Variants in XPO6 observed in about 807,000 individuals in gnomAD.
XPO6 encodes the protein exportin-6.
Under a neutral mutation model 130.0 loss-of-function variants are expected in XPO6, and 3 were observed. That is an observed-to-expected ratio of 0.02 (90% CI 0.01 to 0.06). The LOEUF (loss-of-function observed/expected upper bound fraction) is 0.06. Among genes scored for constraint, XPO6 ranks in the 10% least tolerant of loss-of-function variants. The pLI, the probability that XPO6 is intolerant of heterozygous loss-of-function variation, is 1.00. For missense variants in XPO6, 970 were observed against 1,393.0 expected, an observed-to-expected ratio of 0.70 and a Z score of 4.83; for synonymous variants, 524 against 548.9, an observed-to-expected ratio of 0.95 and a Z score of 0.63.
At position 28,132,365 on chromosome 16, in the gene XPO6, T is replaced by A; in HGVS notation, c.1575A>T (p.Gly525=). 6.2e-7 allele frequency: 1 copy of A among 1,608,696 alleles called. No individual in the cohort carries two copies. The highest frequency in any genetic ancestry group is 8.5e-7 in the Non-Finnish European group (1 of 1,177,854). Reference sequence around the variant, plus strand: ...CTGAAGTGACTATAAACTGTTGTAATCCCAAATAAACTTCTAAATTGTCCT... The same window carrying A: ...CTGAAGTGACTATAAACTGTTGTAAACCCAAATAAACTTCTAAATTGTCCT... ...VLQDNLEVYL[G]LQQFIVTSGS... Residue 525 remains glycine, a synonymous_variant, in exon 12 of 24, where the codon GGA becomes GGT. Transcript: ENST00000304658. This position sits in a 1 kb window ranked among gnomAD's most constrained non-coding sequence, Gnocchi z 4.0.
intron 16 of XPO6, 130 bp downstream of exon 16, chr16:28,112,774 A>C: frequency 8.2e-7 from 1 of 1,221,196 alleles, no homozygotes; most frequent in Non-Finnish European, 1.1e-6. Flanking sequence ...CCACACAATA[A>C]GAAATCTGTC....
intron 15 of XPO6, chr16:28,116,935 AAC>A (rs1294974428): frequency 3.4e-5 from 6 of 177,408 alleles, no homozygotes; most frequent in African/African-American, 7.0e-5. Context: ...ACTTGTAAAA[AAC>A]ACAGTCTCTG....
At chr16:28,125,059 G>C (rs1161752387) in intron 13 of XPO6, among the ~76,000 whole-genome samples, 2 of 152,216 alleles carry the variant, frequency 1.3e-5, no homozygotes, top group African/African-American at 4.8e-5. Flanking sequence ...GTAGAATCAA[G>C]TGTTCCTCAA....
At chr16:28,197,188 G>T (rs1407887598) in intron 1 of XPO6, among the ~76,000 whole-genome samples, 1 of 152,030 alleles carries the variant, frequency 6.6e-6, no homozygotes, top group Non-Finnish European at 1.5e-5. Context: ...GGAGACAGAG[G>T]TTGCAGTGAG....
chr16:28,104,812 G>C (rs1596777687), intron 20 of XPO6, 105 bp from the exon 21 acceptor site: 1 of 1,282,842 alleles, frequency 7.8e-7, no homozygotes, highest in East Asian at 2.5e-5. Flanking sequence ...AGCAAGCCGA[G>C]TGTCAACACT....
chr16:28,135,166 G>A, intron 10 of XPO6, 50 bp downstream of exon 10: 1 of 1,489,876 alleles, frequency 6.7e-7, no homozygotes, highest in Non-Finnish European at 9.3e-7. Flanking sequence ...CATTCTGATT[G>A]ATGTCACAAC....
At chr16:28,209,196 T>C (rs1454751870) in intron 1 of XPO6, 1 of 152,216 alleles carries the variant, frequency 6.6e-6, no homozygotes, top group African/African-American at 2.4e-5. Context: ...CGGGTACAGG[T>C]TGTTTTGGGA....
intron 1 of XPO6, among the ~76,000 whole-genome samples, chr16:28,203,361 G>A (rs887983281): frequency 6.6e-5 from 10 of 151,960 alleles, no homozygotes; most frequent in Admixed American, 5.2e-4. Context: ...AAAAAGTAGA[G>A]GTAGAGTGGC....
chr16:28,198,798 T>C (rs1448979569), intron 1 of XPO6, among the ~76,000 whole-genome samples: 1 of 152,160 alleles, frequency 6.6e-6, no homozygotes, highest in African/African-American at 2.4e-5. Flanking sequence ...CCCTATACTA[T>C]TTCTGCAACT....
chr16:28,177,051 T>C (rs2043545114), intron 3 of XPO6, among the ~76,000 whole-genome samples, 169 bp downstream of exon 3: 1 of 152,160 alleles, frequency 6.6e-6, no homozygotes, highest in Non-Finnish European at 1.5e-5. Flanking sequence ...GTGTGGAAGA[T>C]GGAAGATGCC....
intron 4 of XPO6, among the ~76,000 whole-genome samples, chr16:28,174,988 G>A (rs1440684449): frequency 6.6e-6 from 1 of 152,068 alleles, no homozygotes; most frequent in African/African-American, 2.4e-5. Flanking sequence ...ACTTCCTAAT[G>A]TCTCATTAGT....
chr16:28,146,014 C>G (rs1442059445), intron 9 of XPO6, 80 bp downstream of exon 9: 1 of 1,084,138 alleles, frequency 9.2e-7, no homozygotes, highest in Non-Finnish European at 1.4e-6. Context: ...TGAAAAGGTC[C>G]AAATGCATGG....
In XPO6 at chr16:28,104,448, G is replaced by A. The variant is rs1443952757; in HGVS notation, c.2946+98C>T. ...TTCATCAATACTAACAGGCAGAACT[G>A]AGCTTCAGACCCGAGACTGTGGGGC... On this transcript the variant is annotated intron_variant, in intron 21 of 23. Transcript: ENST00000304658. 4.1e-6 allele frequency: 6 copies of A among 1,449,518 alleles called. No homozygotes were observed. In the African/African-American group the frequency reaches 4.2e-5, roughly 10 times the overall value. 89.8% of individuals were successfully genotyped at this position (1,449,518 alleles called of 1,614,324 possible). A position where few individuals can be genotyped will look rare whatever the true frequency, so the allele number is the denominator to read the frequency against.
At chr16:28,206,427 G>C (rs1377425187) in intron 1 of XPO6, among the ~76,000 whole-genome samples, 1 of 152,080 alleles carries the variant, frequency 6.6e-6, no homozygotes, top group East Asian at 1.9e-4. Context: ...TGGGCCTGTA[G>C]TCTCAGCTAC....
intron 13 of XPO6, among the ~76,000 whole-genome samples, chr16:28,124,032 A>G (rs1231460185): frequency 2.6e-5 from 4 of 152,042 alleles, no homozygotes; most frequent in South Asian, 2.1e-4. Flanking sequence ...ATCTCACTAC[A>G]AAGTTGAGAT....
At chr16:28,099,383 C>T (rs1181519225) in intron 23 of XPO6, among the ~76,000 whole-genome samples, 2 of 152,160 alleles carry the variant, frequency 1.3e-5, no homozygotes, top group Admixed American at 1.3e-4. Context: ...ATTTTCCTGC[C>T]CAACCACTAT....
At chr16:28,149,047 A>C (rs1409327347) in intron 8 of XPO6, among the ~76,000 whole-genome samples, 10 of 146,074 alleles carry the variant, frequency 6.8e-5, no homozygotes, top group African/African-American at 2.6e-4. Flanking sequence ...TGTCTCCAAA[A>C]AAAAAGAAAA....
chr16:28,101,738 C>T lies in XPO6; in HGVS notation c.3046-50G>A, dbSNP rs533471046. ...CAGCAGCCAGCCCCCAGGGGCCTGT[C>T]CCGGGTCCCATCCACTTTCTGTCAC... On this transcript the variant is annotated intron_variant, in intron 22 of 23. Transcript: ENST00000304658. This position sits in a 1 kb window ranked among gnomAD's most constrained non-coding sequence, Gnocchi z 5.4. 18 of 1,585,568 alleles carry T rather than the reference C, an allele frequency of 1.1e-5. No homozygotes were observed. Among genetic ancestry groups the T allele is most frequent in the East Asian group, 6.7e-5 (3 of 44,598 alleles).
Position 28,211,649 on chromosome 16 carries a change from G to C in XPO6, c.-281C>G, listed in dbSNP as rs1196242361. The stretch of plus-strand genomic sequence containing the variant: ...GGCTCGGATGCCGGCGAGGAGGGCA[G>C]CTGCTCGGGACCCCCGCCCGGGCCC... On this transcript the variant is annotated 5_prime_UTR_variant, in exon 1 of 24. Transcript: ENST00000304658. The C allele has an allele frequency of 2.5e-6, 1 of 393,872 alleles. No individual in the cohort carries two copies. The highest frequency in any genetic ancestry group is 4.4e-6 in the Non-Finnish European group (1 of 224,832). 24.4% of individuals were successfully genotyped at this position (393,872 alleles called of 1,614,324 possible).
Sources: gnomAD v4.1 joint callset for allele counts (sites outside exome capture counted in the v4.1 genomes callset) on GRCh38, gnomAD v4.1.1 for gene constraint, Gnocchi (gnomAD v3.1) non-coding constraint, MANE v1.5 for transcripts, NCBI Gene and HGNC (gene_info 2026-07-23, HGNC 2026-07-21) for gene names.